OR1J2: variants seen among roughly 807,000 people sequenced by gnomAD.
OR1J2 encodes the protein olfactory receptor family 1 subfamily J member 2, also known as olfactory receptor 1J2.
For missense variants in OR1J2, 304 were observed against 246.1 expected, an observed-to-expected ratio of 1.24 and a Z score of -1.57; for synonymous variants, 142 against 99.7, an observed-to-expected ratio of 1.42 and a Z score of -2.52.
At chr9:122,526,842 T>C in the OR1J2 span, 13 of 1,613,860 alleles carry the variant, frequency 8.1e-6, no homozygotes, top group South Asian at 3.3e-5. Flanking sequence ...GGCAACGATA[T>C]TGGTGAGGAC....
chr9:122,542,200 CA>C, the OR1J2 span, among the ~76,000 whole-genome samples: 2 of 152,222 alleles, frequency 1.3e-5, no homozygotes, highest in Admixed American at 6.5e-5. Flanking sequence ...TTTTATTATA[CA>C]AATAACCCAT....
chr9:122,462,980 C>G, the OR1J2 span, among the ~76,000 whole-genome samples: 8 of 152,184 alleles, frequency 5.3e-5, no homozygotes, highest in African/African-American at 1.9e-4. Context: ...TCTAGCAAAG[C>G]TGGGGAATTT....
At chr9:122,551,595 C>T in the OR1J2 span, among the ~76,000 whole-genome samples, 1 of 152,126 alleles carries the variant, frequency 6.6e-6, no homozygotes, top group Non-Finnish European at 1.5e-5. Context: ...ACCTGCTAGT[C>T]AGGCTGAAGT....
the OR1J2 span, among the ~76,000 whole-genome samples, chr9:122,470,871 G>A: frequency 1.3e-5 from 2 of 152,268 alleles, no homozygotes; most frequent in East Asian, 3.9e-4. Flanking sequence ...CTTGCATGGG[G>A]CCTGTAGCCC....
the OR1J2 span, among the ~76,000 whole-genome samples, chr9:122,531,092 A>G: frequency 6.6e-6 from 1 of 152,094 alleles, no homozygotes; most frequent in South Asian, 2.1e-4. Context: ...GGTGGTATGG[A>G]GAGATAATGG....
At chr9:122,568,270 T>C in the OR1J2 span, 1 of 1,614,010 alleles carries the variant, frequency 6.2e-7, no homozygotes, top group Non-Finnish European at 8.5e-7. Flanking sequence ...CAAATATCAG[T>C]GAGAGACAGA....
chr9:122,555,775 A>G, the OR1J2 span, among the ~76,000 whole-genome samples: 2 of 152,204 alleles, frequency 1.3e-5, no homozygotes, highest in African/African-American at 2.4e-5. Context: ...AATTGAGCAG[A>G]AAGTTCCCAT....
chr9:122,568,668 C>T, the OR1J2 span: 5 of 520,630 alleles, frequency 9.6e-6, no homozygotes, highest in East Asian at 1.2e-4. Flanking sequence ...CTATGGGCTC[C>T]ATAAGGGCAT....
At chr9:122,564,211 A>C in the OR1J2 span, among the ~76,000 whole-genome samples, 8 of 152,148 alleles carry the variant, frequency 5.3e-5, no homozygotes, top group African/African-American at 1.9e-4. Flanking sequence ...GATTAATGAA[A>C]TTTTAGCTCA....
chr9:122,519,986 C>T, the OR1J2 span: 3 of 1,614,122 alleles, frequency 1.9e-6, no homozygotes, highest in Non-Finnish European at 2.5e-6. Context: ...CGGTGATCAC[C>T]CCATTGCTGA....
the OR1J2 span, among the ~76,000 whole-genome samples, chr9:122,481,761 G>T: frequency 1.3e-5 from 2 of 152,144 alleles, no homozygotes; most frequent in African/African-American, 2.4e-5. Flanking sequence ...GTTAAATTGG[G>T]AAGGATAGTC....
the OR1J2 span, among the ~76,000 whole-genome samples, chr9:122,457,571 A>T: frequency 1.3e-5 from 2 of 151,974 alleles, no homozygotes; most frequent in African/African-American, 4.8e-5. Context: ...ACTATGGCCC[A>T]TTCATGGGAA....
At chr9:122,523,559 G>A in the OR1J2 span, among the ~76,000 whole-genome samples, 2 of 152,144 alleles carry the variant, frequency 1.3e-5, no homozygotes, top group Non-Finnish European at 2.9e-5. Context: ...CAGATAATGT[G>A]TGCCTGGATG....
the OR1J2 span, chr9:122,553,278 T>A: frequency 1.9e-6 from 3 of 1,613,480 alleles, no homozygotes; most frequent in Non-Finnish European, 2.5e-6. Flanking sequence ...ACTCTCTGAG[T>A]GGCCAGAGGA....
At chr9:122,577,788 A>G in the OR1J2 span, among the ~76,000 whole-genome samples, 3 of 152,222 alleles carry the variant, frequency 2.0e-5, no homozygotes, top group African/African-American at 7.2e-5. Flanking sequence ...AGTGGTACAA[A>G]CATATCTGAA....
the OR1J2 span, among the ~76,000 whole-genome samples, chr9:122,458,818 A>T: frequency 6.6e-6 from 1 of 152,058 alleles, no homozygotes; most frequent in Non-Finnish European, 1.5e-5. Context: ...TGTCTCATGA[A>T]ATATTACTCC....
the OR1J2 span, among the ~76,000 whole-genome samples, chr9:122,464,839 T>C: frequency 4.6e-5 from 7 of 152,322 alleles, 1 homozygote; most frequent in South Asian, 1.4e-3. Context: ...ATGCCTTGCA[T>C]CCTTTTTGGG....
At chr9:122,525,961 C>T in the OR1J2 span, among the ~76,000 whole-genome samples, 1 of 152,286 alleles carries the variant, frequency 6.6e-6, no homozygotes, top group South Asian at 2.1e-4. Context: ...TTGTCTTGCT[C>T]AGTGTCATAA....
chr9:122,576,115 C>T, the OR1J2 span, among the ~76,000 whole-genome samples: 1 of 152,058 alleles, frequency 6.6e-6, no homozygotes, highest in Non-Finnish European at 1.5e-5. Flanking sequence ...ATATACATTG[C>T]TCCTTTTAAG....
Sources: gnomAD v4.1 joint callset for allele counts (sites outside exome capture counted in the v4.1 genomes callset) on GRCh38, gnomAD v4.1.1 for gene constraint, MANE v1.5 for transcripts, NCBI Gene and HGNC (gene_info 2026-07-23, HGNC 2026-07-21) for gene names.